SRGAP3: variants seen among roughly 807,000 people sequenced by gnomAD.
SRGAP3 encodes the protein SLIT-ROBO Rho GTPase-activating protein 3.
Under a neutral mutation model 121.1 loss-of-function variants are expected in SRGAP3, and 39 were observed. That is an observed-to-expected ratio of 0.32 (90% CI 0.25 to 0.42). The LOEUF (loss-of-function observed/expected upper bound fraction) is 0.42. Among genes scored for constraint, SRGAP3 ranks in the 10% least tolerant of loss-of-function variants. SRGAP3 has a pLI of 1.00. For missense variants in SRGAP3, 1,213 were observed against 1,470.6 expected (o/e 0.82, Z 2.86); for synonymous variants, 601 against 570.0 (o/e 1.05, Z -0.77).
chr3:9,001,881 T>C (rs1341305789), intron 18 of SRGAP3, among the ~76,000 whole-genome samples: 1 of 151,936 alleles, frequency 6.6e-6, no homozygotes, highest in African/African-American at 2.4e-5. Context: ...ATAAACAAAA[T>C]GTACCTAATA....
chr3:9,094,531 C>T (rs938023547), intron 3 of SRGAP3, among the ~76,000 whole-genome samples: 47 of 152,136 alleles, frequency 3.1e-4, no homozygotes, highest in Non-Finnish European at 1.3e-4. Flanking sequence ...CCTTCCAGCA[C>T]TGTTACTAGA....
chr3:9,253,447 A>T (rs772268985), upstream of SRGAP3, among the ~76,000 whole-genome samples: 1 of 152,232 alleles, frequency 6.6e-6, no homozygotes, highest in African/African-American at 2.4e-5. Flanking sequence ...ACAGCTAAAC[A>T]ATGCAAAACT....
chr3:9,046,742 C>T (rs916741474), intron 10 of SRGAP3, among the ~76,000 whole-genome samples: 5 of 152,200 alleles, frequency 3.3e-5, no homozygotes, highest in Admixed American at 2.0e-4. Flanking sequence ...ATTCCCACTC[C>T]CTACCTGATG....
At chr3:9,005,841 T>C (rs1301189197) in intron 18 of SRGAP3, among the ~76,000 whole-genome samples, 1 of 152,134 alleles carries the variant, frequency 6.6e-6, no homozygotes, top group Non-Finnish European at 1.5e-5. Flanking sequence ...GAAAATGTTC[T>C]CAAATTGACC....
intron 2 of SRGAP3, among the ~76,000 whole-genome samples, chr3:9,106,785 C>T (rs1333336042): frequency 6.6e-6 from 1 of 152,040 alleles, no homozygotes; most frequent in Non-Finnish European, 1.5e-5. Flanking sequence ...TCTTTTTCTT[C>T]CCACTCTTGG....
chr3:9,313,975 AGAGT>A (rs1955298573), intron 3 of SRGAP3, among the ~76,000 whole-genome samples: 1 of 152,260 alleles, frequency 6.6e-6, no homozygotes, highest in Non-Finnish European at 1.5e-5. Context: ...GCTAGATGAC[AGAGT>A]GAGACTCCGT....
intron 1 of SRGAP3, among the ~76,000 whole-genome samples, chr3:9,345,832 C>T (rs1462440342): frequency 6.9e-6 from 1 of 144,950 alleles, no homozygotes; most frequent in East Asian, 2.0e-4. Context: ...AGAGAGAGAA[C>T]AGAAGAGCAG....
At chr3:9,297,908 A>AT in intron 3 of SRGAP3, among the ~76,000 whole-genome samples, 1 of 152,026 alleles carries the variant, frequency 6.6e-6, no homozygotes, top group East Asian at 1.9e-4. Context: ...AAAAAAAAAA[A>AT]GAGAAAGAGA....
At chr3:9,006,818 T>G (rs1335946804) in intron 18 of SRGAP3, 3 of 152,148 alleles carry the variant, frequency 2.0e-5, no homozygotes, top group Non-Finnish European at 2.9e-5. Flanking sequence ...TGCCTTCATT[T>G]TTTCATTTAG....
intron 15 of SRGAP3, among the ~76,000 whole-genome samples, chr3:9,015,345 C>G (rs2125038738): frequency 6.6e-6 from 1 of 152,334 alleles, no homozygotes; most frequent in African/African-American, 2.4e-5. Flanking sequence ...TCTCTCTTGG[C>G]TCTGATCTGC....
At chr3:9,062,298 C>G (rs1946213806) in intron 5 of SRGAP3, among the ~76,000 whole-genome samples, 1 of 152,128 alleles carries the variant, frequency 6.6e-6, no homozygotes, top group Non-Finnish European at 1.5e-5. Context: ...CTAATCGAAC[C>G]AAAAATACAA....
intron 1 of SRGAP3, among the ~76,000 whole-genome samples, chr3:9,172,002 C>T (rs1264322597): frequency 6.6e-6 from 1 of 151,818 alleles, no homozygotes; most frequent in Non-Finnish European, 1.5e-5. Context: ...CTCCCATGGC[C>T]TTCTCCTTGT....
chr3:9,236,152 C>T (rs1953401408), intron 1 of SRGAP3: 1 of 173,080 alleles, frequency 5.8e-6, no homozygotes, highest in Non-Finnish European at 1.3e-5. Context: ...TTTGTGACCC[C>T]CATACCTTTG....
chr3:9,227,247 A>G (rs756235), intron 1 of SRGAP3, among the ~76,000 whole-genome samples: 37,575 of 152,126 alleles, frequency 0.25, 4,890 homozygotes, highest in South Asian at 0.31. Context: ...TCATTTTTGT[A>G]AATCCTGCAA....
At chr3:9,050,242 T>C (rs1945503335) in intron 9 of SRGAP3, among the ~76,000 whole-genome samples, 2 of 152,212 alleles carry the variant, frequency 1.3e-5, no homozygotes, top group Admixed American at 1.3e-4. Context: ...AGCAATAATG[T>C]CCTCTCATTT....
chr3:9,047,199 A>G (rs1395925647), intron 10 of SRGAP3, among the ~76,000 whole-genome samples, 192 bp downstream of exon 10: 1 of 151,848 alleles, frequency 6.6e-6, no homozygotes, highest in East Asian at 1.9e-4. Flanking sequence ...TCTATTTTCT[A>G]TAGCCAGATT....
intron 18 of SRGAP3, 123 bp downstream of exon 18, chr3:9,010,185 G>A: frequency 8.6e-7 from 1 of 1,164,514 alleles, no homozygotes; most frequent in Non-Finnish European, 1.3e-6. Context: ...TATTCTGAAG[G>A]ACAGATGGCT....
At chr3:9,158,927 C>T (rs377589632) in intron 1 of SRGAP3, among the ~76,000 whole-genome samples, 3 of 152,344 alleles carry the variant, frequency 2.0e-5, no homozygotes, top group South Asian at 4.1e-4. Context: ...CTCTCCAAGC[C>T]TCTCTGACAG....
At chr3:9,003,032 T>C (rs999071965) in intron 18 of SRGAP3, among the ~76,000 whole-genome samples, 1 of 152,174 alleles carries the variant, frequency 6.6e-6, no homozygotes, top group African/African-American at 2.4e-5. Flanking sequence ...TAATTCCTTA[T>C]AAAGTCTTCC....
Sources: gnomAD v4.1 joint callset for allele counts (sites outside exome capture counted in the v4.1 genomes callset) on GRCh38, gnomAD v4.1.1 for gene constraint, MANE v1.5 for transcripts, NCBI Gene and HGNC (gene_info 2026-07-23, HGNC 2026-07-21) for gene names.